The following RXYLT1 variants were observed in gnomAD, a reference collection of about 807,000 sequenced individuals.
The protein encoded by RXYLT1 is ribitol xylosyltransferase 1.
Under a neutral mutation model 43.5 loss-of-function variants are expected in RXYLT1, and 41 were observed. The ratio of observed to expected loss-of-function variants is 0.94; its 90% confidence interval spans 0.73 to 1.22. The LOEUF (loss-of-function observed/expected upper bound fraction) is 1.22, where lower values mean the gene tolerates loss of function less well. RXYLT1 is among the 50% of genes most tolerant of loss of function. The pLI is 0.00. For missense variants in RXYLT1, 514 were observed against 532.0 expected (o/e 0.97, Z 0.33); for synonymous variants, 166 against 194.4 (o/e 0.85, Z 1.21).
intron 5 of RXYLT1, 47 bp from the exon 6 acceptor site, chr12:63,808,628 A>G (rs560643338): frequency 2.6e-5 from 41 of 1,568,648 alleles, no homozygotes; most frequent in Non-Finnish European, 3.4e-5. Flanking sequence ...TTCACAAACT[A>G]TATACTTAGT....
chr12:63,789,247 T>G (rs765085508), intron 3 of RXYLT1, among the ~76,000 whole-genome samples: 1 of 152,150 alleles, frequency 6.6e-6, no homozygotes, highest in African/African-American at 2.4e-5. Context: ...TCTCAGGGAA[T>G]AGGGAGGCCC....
intron 3 of RXYLT1, chr12:63,790,282 G>A (rs1379689124): frequency 6.6e-6 from 1 of 152,150 alleles, no homozygotes; most frequent in Admixed American, 6.5e-5. Context: ...CATATTATGG[G>A]ATTTAATTAT....
At position 63,805,413 on chromosome 12, in the gene RXYLT1, T is replaced by A. The variant is rs1898267940; in HGVS notation, c.914+9T>A. The A allele has an allele frequency of 6.4e-7, 1 of 1,561,586 alleles. No individual in the cohort carries two copies. Among genetic ancestry groups the A allele is most frequent in the Admixed American group, 2.0e-5 (1 of 49,226 alleles). Reference sequence around the variant, plus strand: ...GTTTCAGCAAGAGAACAGTAAGTTCTATGCTTATTTAATTCATTCATTTTG... The same window carrying A: ...GTTTCAGCAAGAGAACAGTAAGTTCAATGCTTATTTAATTCATTCATTTTG... On this transcript the variant is annotated intron_variant, in intron 5 of 5. Transcript: ENST00000261234.
At position 63,787,108 on chromosome 12, in the gene RXYLT1, A is replaced by AG. The variant is rs200032296; in HGVS notation, c.428+2037dup. ...AACCCCGGGCGACAGAATGAGTCAA[A>AG]GAAAAAAAAAAATTGGAGCCAGTCC... On this transcript the variant is annotated intron_variant, in intron 3 of 5. Coordinates refer to ENST00000261234, the MANE Select transcript of RXYLT1 (RefSeq NM_014254.3). Among the ~76,000 whole-genome samples, 901 of 152,144 alleles carry AG rather than the reference A, an allele frequency of 5.9e-3. 9 individuals are homozygous for AG. Among genetic ancestry groups the AG allele is most frequent in the African/African-American group, 0.021 (862 of 41,530 alleles).
chr12:63,781,257 T>C, intron 2 of RXYLT1, 83 bp downstream of exon 2: 2 of 1,283,018 alleles, frequency 1.6e-6, no homozygotes. Context: ...TAATATAATT[T>C]ATTTCATAAT....
intron 3 of RXYLT1, among the ~76,000 whole-genome samples, chr12:63,797,796 A>T (rs1240835341): frequency 6.6e-6 from 1 of 152,186 alleles, no homozygotes; most frequent in Non-Finnish European, 1.5e-5. Flanking sequence ...CAGACCAAGT[A>T]GGAGATTGGA....
At chr12:63,802,551 T>C (rs2136231917) in intron 4 of RXYLT1, 146 bp downstream of exon 4, 2 of 641,528 alleles carry the variant, frequency 3.1e-6, no homozygotes, top group South Asian at 6.4e-5. Flanking sequence ...AAACAGGGTG[T>C]GGTCGCATCC....
At chr12:63,798,027 A>C (rs911153267) in intron 3 of RXYLT1, among the ~76,000 whole-genome samples, 3 of 152,134 alleles carry the variant, frequency 2.0e-5, no homozygotes, top group Non-Finnish European at 4.4e-5. Context: ...AGAAATAGCA[A>C]ATCTGTCCAC....
At position 63,808,838 on chromosome 12, in the gene RXYLT1, G is replaced by T. The variant is rs768061954; in HGVS notation, c.1078G>T (p.Gly360Cys). ...TGTGGTGGAAGACGTGATGACAGCT[G>T]GCAACTGTGGGAATACATCTGTGCA... is the stretch of plus-strand genomic sequence containing the variant. ...IPVVEDVMTA[G>C]NCGNTSVHHG... is the part of the protein sequence containing the mutation. The change falls in exon 6 of 6, where the codon GGC (glycine) becomes TGC (cysteine). Residue 360 changes from glycine to cysteine, a missense_variant. Physicochemically the swap from Gly to Cys is radical, Grantham distance 159. Transcript: ENST00000261234. 123 of 1,613,970 alleles carry T rather than the reference G, an allele frequency of 7.6e-5. No homozygotes were observed. Among genetic ancestry groups the T allele is most frequent in the Non-Finnish European group, 1.0e-4 (123 of 1,180,024 alleles).
At chr12:63,794,139 G>C (rs1329215574) in intron 3 of RXYLT1, among the ~76,000 whole-genome samples, 11 of 152,180 alleles carry the variant, frequency 7.2e-5, no homozygotes, top group Non-Finnish European at 1.6e-4. Flanking sequence ...TCTGGGGCCA[G>C]CTAAATCCAC....
At chr12:63,806,070 G>A (rs1441751633) in intron 5 of RXYLT1, 1 of 152,218 alleles carries the variant, frequency 6.6e-6, no homozygotes, top group African/African-American at 2.4e-5. Context: ...AGTCATCAGG[G>A]AAGTAATGCC....
chr12:63,781,265 A>C (rs1028104108), intron 2 of RXYLT1, 91 bp downstream of exon 2: 3 of 1,246,404 alleles, frequency 2.4e-6, no homozygotes. Flanking sequence ...TTTATTTCAT[A>C]ATTTGTTAAT....
chr12:63,802,407 T>TGGCAGCCTCAGGAAACAAATG lies in RXYLT1; in HGVS notation c.743+2_743+3insGGCAGCCTCAGGAAACAAATG. ...TCAGTGGCCTTTAGGAGTAGCAACG[T>TGGCAGCCTCAGGAAACAAATG]AAGTACAAAATATGATTAAACATTT... On this transcript the variant is annotated splice_region_variant and intron_variant, in intron 4 of 5. Transcript: ENST00000261234. 3 of 1,559,804 alleles carry TGGCAGCCTCAGGAAACAAATG rather than the reference T, an allele frequency of 1.9e-6. No homozygotes were observed. The African/African-American group carries it at 4.1e-5, about 21-fold the overall frequency.
intron 1 of RXYLT1, among the ~76,000 whole-genome samples, chr12:63,780,630 C>T (rs576869238): frequency 3.2e-4 from 48 of 152,304 alleles, no homozygotes; most frequent in African/African-American, 1.2e-3. Context: ...ACGATAGTAT[C>T]TAAGACTGGT....
At chr12:63,803,181 CAAAAAAAAAAAAAAAA>C (rs763579072) in intron 4 of RXYLT1, among the ~76,000 whole-genome samples, 5 of 22,604 alleles carry the variant, frequency 2.2e-4, no homozygotes, top group African/African-American at 7.7e-4. Context: ...ACTGTCTCAC[CAAAAAAAAAAAAAAAA>C]AAAAAAAAAA....
rs531613620 is a variant in RXYLT1 at position 63,799,534 on chromosome 12, G to A, written c.429-2557G>A. ...TCGAACTCCTGGACTCAAGCGATCC[G>A]CCTACCTCAGTCAACTAAAGTGCTG... On this transcript the variant is annotated intron_variant, in intron 3 of 5. Coordinates refer to ENST00000261234, the MANE Select transcript of RXYLT1 (RefSeq NM_014254.3). Among the ~76,000 whole-genome samples, 17 of 151,818 alleles carry A rather than the reference G, an allele frequency of 1.1e-4. No individual in the cohort carries two copies. The South Asian group carries it at 2.7e-3, about 24-fold the overall frequency.
Position 63,779,951 on chromosome 12 carries a change from C to A in RXYLT1, c.-10C>A. The A allele has an allele frequency of 6.2e-7, 1 of 1,610,562 alleles. No individual in the cohort carries two copies. Among genetic ancestry groups the A allele is most frequent in the Non-Finnish European group, 8.5e-7 (1 of 1,178,988 alleles). On this transcript the variant is annotated 5_prime_UTR_variant, in exon 1 of 6. Transcript: ENST00000261234. Reference sequence around the variant, plus strand: ...ATGGCGGTGGATGCCTGACTGGAAGCCCGAGTGGGATGCGGCTGACGCGGA... The same window carrying A: ...ATGGCGGTGGATGCCTGACTGGAAGACCGAGTGGGATGCGGCTGACGCGGA...
chr12:63,780,869 A>G, intron 1 of RXYLT1, 150 bp from the exon 2 acceptor site: 1 of 617,450 alleles, frequency 1.6e-6, no homozygotes, highest in Non-Finnish European at 2.4e-6. Context: ...TTTTGTTTTC[A>G]TTGTGTATTA....
intron 3 of RXYLT1, among the ~76,000 whole-genome samples, chr12:63,789,865 C>T (rs1897885154): frequency 6.6e-6 from 1 of 152,222 alleles, no homozygotes; most frequent in South Asian, 2.1e-4. Context: ...TCCACACATT[C>T]ACCATCCTTG....
Sources: allele counts gnomAD v4.1 joint callset (sites outside exome capture counted in the v4.1 genomes callset), GRCh38; gene constraint gnomAD v4.1.1; transcripts MANE v1.5; gene names NCBI Gene and HGNC (gene_info 2026-07-23, HGNC 2026-07-21).